Variants in CDH13 observed in about 807,000 individuals in gnomAD.
CDH13 encodes the protein cadherin 13, also known as cadherin-13.
CDH13 carries 24 observed loss-of-function variants against 63.8 expected under a neutral mutation model. That is an observed-to-expected ratio of 0.38 (90% CI 0.27 to 0.53). CDH13 has a LOEUF of 0.53. Among genes scored for constraint, CDH13 ranks in the 20% least tolerant of loss-of-function variants. The pLI is 0.85. For missense variants in CDH13, 1,049 were observed against 903.1 expected, an observed-to-expected ratio of 1.16 and a Z score of -2.07; for synonymous variants, 503 against 355.3, an observed-to-expected ratio of 1.42 and a Z score of -4.67.
At chr16:82,731,412 A>G (rs374176945) in intron 1 of CDH13, among the ~76,000 whole-genome samples, 40 of 152,380 alleles carry the variant, frequency 2.6e-4, no homozygotes, top group Middle Eastern at 3.4e-3. Flanking sequence ...GAAAACATAA[A>G]GAATGCAAAT....
intron 8 of CDH13, among the ~76,000 whole-genome samples, chr16:83,627,480 T>C (rs1325893460): frequency 6.6e-6 from 1 of 152,240 alleles, no homozygotes; most frequent in Admixed American, 6.5e-5. Flanking sequence ...TGGGGACTTT[T>C]ATCTTTCCTC....
chr16:83,207,390 G>GA, intron 4 of CDH13, among the ~76,000 whole-genome samples: 1 of 152,196 alleles, frequency 6.6e-6, no homozygotes, highest in Non-Finnish European at 1.5e-5. Context: ...AAGTTCATTT[G>GA]TGTTGCAATA....
At chr16:83,112,711 A>T (rs534171779) in intron 3 of CDH13, among the ~76,000 whole-genome samples, 1 of 152,332 alleles carries the variant, frequency 6.6e-6, no homozygotes, top group African/African-American at 2.4e-5. Context: ...AAAAAGCATG[A>T]ACACTTTAAA....
At chr16:83,121,841 G>T (rs190474220) in intron 3 of CDH13, among the ~76,000 whole-genome samples, 1 of 152,044 alleles carries the variant, frequency 6.6e-6, no homozygotes, top group African/African-American at 2.4e-5. Context: ...TTTTCACAAG[G>T]GTGCTATGAA....
rs1353885935 is a variant in CDH13, at chr16:83,733,784, T to C, written c.1539-14324T>C. Among the ~76,000 whole-genome samples, 5 of 152,170 alleles carry C rather than the reference T, an allele frequency of 3.3e-5. No individual in the cohort carries two copies. In the East Asian group the frequency reaches 9.6e-4, roughly 29 times the overall value. On this transcript the variant is annotated intron_variant, in intron 10 of 13. Coordinates refer to ENST00000567109, the MANE Select transcript of CDH13 (RefSeq NM_001257.5). ...CTGACATCCCAGTTTGCTCTCCCAG[T>C]GAGCGTGTTTCTTTGAGATAAACCA...
chr16:83,191,088 A>T (rs2038682602), intron 4 of CDH13, among the ~76,000 whole-genome samples: 1 of 151,154 alleles, frequency 6.6e-6, no homozygotes, highest in Admixed American at 6.6e-5. Flanking sequence ...CTTACATATT[A>T]CTTGGATAGT....
intron 2 of CDH13, among the ~76,000 whole-genome samples, chr16:82,885,001 T>C (rs767087563): frequency 6.6e-6 from 1 of 152,200 alleles, no homozygotes; most frequent in African/African-American, 2.4e-5. Flanking sequence ...CCATATATAC[T>C]TGGGTGACAT....
intron 2 of CDH13, among the ~76,000 whole-genome samples, chr16:82,949,370 C>G (rs921625235): frequency 6.6e-6 from 1 of 152,144 alleles, no homozygotes; most frequent in South Asian, 2.1e-4. Context: ...ATGGACCCCA[C>G]GCATACTGGA....
At chr16:82,889,416 CG>C (rs2041003941) in intron 2 of CDH13, among the ~76,000 whole-genome samples, 1 of 152,132 alleles carries the variant, frequency 6.6e-6, no homozygotes, top group African/African-American at 2.4e-5. Flanking sequence ...TAAGGCAACT[CG>C]CTTTCGGGTT....
intron 4 of CDH13, among the ~76,000 whole-genome samples, chr16:83,153,028 C>T (rs538641337): frequency 4.6e-5 from 7 of 152,322 alleles, no homozygotes; most frequent in African/African-American, 1.7e-4. Flanking sequence ...TTCACCTTAC[C>T]TGCTGCCTAC....
At chr16:83,421,177 C>G (rs756943830) in intron 6 of CDH13, among the ~76,000 whole-genome samples, 1 of 152,100 alleles carries the variant, frequency 6.6e-6, no homozygotes, top group Non-Finnish European at 1.5e-5. Context: ...TGGCATAAGT[C>G]TAGAACCCTT....
intron 7 of CDH13, among the ~76,000 whole-genome samples, chr16:83,522,669 C>T (rs2074868132): frequency 6.6e-6 from 1 of 152,214 alleles, no homozygotes; most frequent in Admixed American, 6.5e-5. Context: ...CGTCATTTCT[C>T]ATCAGCAGGT....
At chr16:82,783,338 A>C (rs963092601) in intron 1 of CDH13, among the ~76,000 whole-genome samples, 1 of 152,236 alleles carries the variant, frequency 6.6e-6, no homozygotes. Flanking sequence ...CCAACCAGCC[A>C]ACTGATCAGG....
rs193131053 is a variant in CDH13, at chr16:83,290,365, G to A, written c.637-54497G>A. ...TCGTGTCATGGGAGGCATCCAGTGG[G>A]AGGTAATTGAATCACGGGGGGCAGG... On this transcript the variant is annotated intron_variant, in intron 5 of 13. Transcript: ENST00000567109. Among the ~76,000 whole-genome samples the A allele has an allele frequency of 3.2e-3, 487 of 152,220 alleles. 2 individuals are homozygous for A. Among genetic ancestry groups the A allele is most frequent in the African/African-American group, 0.01 (429 of 41,524 alleles).
intron 5 of CDH13, among the ~76,000 whole-genome samples, chr16:83,234,595 C>T (rs1165078182): frequency 6.6e-6 from 1 of 152,124 alleles, no homozygotes; most frequent in East Asian, 1.9e-4. Flanking sequence ...TCAGGTGTGG[C>T]GTGAGTGTGT....
intron 9 of CDH13, among the ~76,000 whole-genome samples, chr16:83,674,238 T>G (rs1914761628): frequency 1.3e-5 from 2 of 152,214 alleles, no homozygotes; most frequent in South Asian, 4.1e-4. Context: ...AGTCCAGGAT[T>G]GGCCAACAGT....
At chr16:83,555,616 A>C (rs1250095189) in intron 7 of CDH13, among the ~76,000 whole-genome samples, 1 of 152,252 alleles carries the variant, frequency 6.6e-6, no homozygotes, top group African/African-American at 2.4e-5. Flanking sequence ...GATACTTAGC[A>C]TAAGTGGAGA....
rs746970851 is a variant in CDH13 at position 83,344,878 on chromosome 16, C to G, written c.653C>G (p.Thr218Ser). ...IAVYQLFVETTDVNGKTLEGP... is the reference protein window; with the variant it reads ...IAVYQLFVETSDVNGKTLEGP... Reference sequence around the variant, plus strand: ...CTCAAATAGCTATTTGTGGAGACCACTGATGTCAATGGCAAAACTCTCGAG... The same window carrying G: ...CTCAAATAGCTATTTGTGGAGACCAGTGATGTCAATGGCAAAACTCTCGAG... The change falls in exon 6 of 14, where the codon ACT (threonine) becomes AGT (serine). Residue 218 changes from threonine (T) to serine (S), a missense_variant. Physicochemically the swap from Thr to Ser is moderately conservative, Grantham distance 58. Coordinates refer to ENST00000567109, the MANE Select transcript of CDH13 (RefSeq NM_001257.5). The G allele has an allele frequency of 1.9e-6, 3 of 1,613,880 alleles. No individual in the cohort carries two copies. The East Asian group carries it at 6.7e-5, about 36-fold the overall frequency.
chr16:82,976,448 T>C (rs960963205), intron 2 of CDH13, among the ~76,000 whole-genome samples: 1 of 152,228 alleles, frequency 6.6e-6, no homozygotes, highest in Non-Finnish European at 1.5e-5. Flanking sequence ...TTTCCAGTTA[T>C]CCTCATGCTT....
Sources: gnomAD v4.1 joint callset for allele counts (sites outside exome capture counted in the v4.1 genomes callset) on GRCh38, gnomAD v4.1.1 for gene constraint, MANE v1.5 for transcripts, NCBI Gene and HGNC (gene_info 2026-07-23, HGNC 2026-07-21) for gene names.